The following ALK variants were observed in gnomAD, a reference collection of about 807,000 sequenced individuals.
The protein encoded by ALK is ALK tyrosine kinase receptor.
A neutral mutation model predicts 163.1 loss-of-function variants in ALK; 74 were observed. The observed-to-expected ratio is 0.45, with a 90% CI of 0.38 to 0.55. ALK has a LOEUF of 0.55. ALK is among the 20% of genes least tolerant of loss of function. The pLI, the probability that ALK is intolerant of heterozygous loss-of-function variation, is 0.00. For missense variants in ALK, 2,063 were observed against 2,105.3 expected, an observed-to-expected ratio of 0.98 and a Z score of 0.39; for synonymous variants, 960 against 843.2, an observed-to-expected ratio of 1.14 and a Z score of -2.40.
intron 6 of ALK, among the ~76,000 whole-genome samples, chr2:29,326,522 C>G (rs79758035): frequency 1.3e-5 from 2 of 151,974 alleles, no homozygotes; most frequent in Non-Finnish European, 2.9e-5. Context: ...CACACACAGG[C>G]CCCTGAACAG....
chr2:29,591,070 CAAAAAAAAAAA>C (rs35070273), intron 3 of ALK, among the ~76,000 whole-genome samples: 1 of 46,910 alleles, frequency 2.1e-5, no homozygotes, highest in Non-Finnish European at 3.6e-5. Flanking sequence ...GACTCCGTCT[CAAAAAAAAAAA>C]AAAAAAAAAA....
intron 5 of ALK, among the ~76,000 whole-genome samples, chr2:29,338,535 GC>G (rs1558681618): frequency 1.3e-5 from 2 of 152,318 alleles, no homozygotes; most frequent in South Asian, 4.1e-4. Flanking sequence ...TAATTTGGAT[GC>G]CACTTTCCCC....
chr2:29,320,999 C>T (rs2148251283), intron 6 of ALK, 117 bp from the exon 7 acceptor site: 1 of 1,293,210 alleles, frequency 7.7e-7, no homozygotes, highest in Non-Finnish European at 1.1e-6. Context: ...ATATAGCTCC[C>T]CAGCCAGAAT....
At chr2:29,708,791 C>T (rs886241042) in intron 2 of ALK, among the ~76,000 whole-genome samples, 7 of 152,144 alleles carry the variant, frequency 4.6e-5, no homozygotes, top group Admixed American at 4.6e-4. Context: ...AGATCACTAA[C>T]CTCTCTAGGC....
At chr2:29,692,875 T>A (rs575495341) in intron 3 of ALK, among the ~76,000 whole-genome samples, 1 of 152,364 alleles carries the variant, frequency 6.6e-6, no homozygotes, top group African/African-American at 2.4e-5. Flanking sequence ...AGATCAATTG[T>A]GATATTTTTA....
At chr2:29,818,068 C>G (rs1664946147) in intron 1 of ALK, among the ~76,000 whole-genome samples, 1 of 152,176 alleles carries the variant, frequency 6.6e-6, no homozygotes, top group African/African-American at 2.4e-5. Context: ...ACCCTCTTGG[C>G]TCGCCAAACT....
intron 4 of ALK, among the ~76,000 whole-genome samples, chr2:29,498,195 G>A (rs1031628729): frequency 1.3e-5 from 2 of 152,080 alleles, no homozygotes; most frequent in Admixed American, 1.3e-4. Context: ...TTTGACTGTG[G>A]GTGATATGAT....
At chr2:29,544,625 C>T (rs1371381764) in intron 3 of ALK, among the ~76,000 whole-genome samples, 1 of 151,984 alleles carries the variant, frequency 6.6e-6, no homozygotes. Flanking sequence ...ATATAAATAT[C>T]TATGTGTATG....
chr2:29,831,263 G>GAAGAAGAAGAAT (rs1558509085), intron 1 of ALK, among the ~76,000 whole-genome samples: 5 of 75,770 alleles, frequency 6.6e-5, no homozygotes, highest in African/African-American at 2.6e-4. Flanking sequence ...GGAAGAGGAA[G>GAAGAAGAAGAAT]AAGAAGAAGA....
At chr2:29,869,611 A>G (rs1666525993) in intron 1 of ALK, among the ~76,000 whole-genome samples, 1 of 152,206 alleles carries the variant, frequency 6.6e-6, no homozygotes. Context: ...CTATAAATCA[A>G]AAAACTTTAT....
intron 6 of ALK, among the ~76,000 whole-genome samples, chr2:29,328,035 G>A (rs1667325163): frequency 6.6e-6 from 1 of 152,162 alleles, no homozygotes; most frequent in African/African-American, 2.4e-5. Context: ...GGAAGTCTGG[G>A]CATAGAGGAC....
At chr2:29,366,328 G>T (rs1668506828) in intron 5 of ALK, among the ~76,000 whole-genome samples, 1 of 152,148 alleles carries the variant, frequency 6.6e-6, no homozygotes, top group East Asian at 1.9e-4. Context: ...TACCAGAAAG[G>T]TTGAGGGAGC....
intron 4 of ALK, among the ~76,000 whole-genome samples, chr2:29,427,557 G>A (rs572632779): frequency 3.3e-5 from 5 of 151,262 alleles, no homozygotes; most frequent in East Asian, 3.9e-4. Flanking sequence ...ATAGAATGTC[G>A]AGAAAAAAAT....
Position 29,228,967 on chromosome 2 carries a change from T to C in ALK, c.2732A>G (p.Lys911Arg), listed in dbSNP as rs1664101463. 3.3e-6 allele frequency: 4 copies of C among 1,210,318 alleles called. No homozygotes were observed. The African/African-American group carries it at 5.1e-5, about 15-fold the overall frequency. 75.0% of individuals were successfully genotyped at this position (1,210,318 alleles called of 1,614,324 possible). Residue 911 changes from lysine to arginine, a missense_variant, in exon 16 of 29, where the codon AAG becomes AGG. Around this residue, in one of 5 missense-constraint regions of ALK, gnomAD observed 575 missense variants for 626.6 expected, o/e 0.92. Transcript: ENST00000389048. Reference sequence around the variant, plus strand: ...CCCTCTTGTCTCCCACCCCCACTTCTTCATGGCCTGGGGGCAGGAATGTCC... The same window carrying C: ...CCCTCTTGTCTCCCACCCCCACTTCCTCATGGCCTGGGGGCAGGAATGTCC... ...TGGHSCPQAM[K>R]KWGWETRGGF... is the part of the protein sequence containing the mutation.
At chr2:29,488,590 A>C (rs1044740622) in intron 4 of ALK, among the ~76,000 whole-genome samples, 2 of 152,198 alleles carry the variant, frequency 1.3e-5, no homozygotes, top group Non-Finnish European at 2.9e-5. Context: ...AAGTTGGTTG[A>C]AAAAAATCAA....
Position 29,808,810 on chromosome 2 carries a change from C to T in ALK, c.668-91113G>A, listed in dbSNP as rs77249625. Among the ~76,000 whole-genome samples, 113 of 152,340 alleles carry T rather than the reference C, an allele frequency of 7.4e-4. 1 individual carries two copies. The highest frequency in any genetic ancestry group is 2.2e-3 in the Admixed American group (34 of 15,312). On this transcript the variant is annotated intron_variant, in intron 1 of 28. Coordinates refer to ENST00000389048, the MANE Select transcript of ALK (RefSeq NM_004304.5). ...GCCTGCCATGCATCACATCCATACA[C>T]AATTGCATCTTGATGGATGCGGCAA...
chr2:29,868,817 T>G (rs1361242328), intron 1 of ALK, among the ~76,000 whole-genome samples: 2 of 151,470 alleles, frequency 1.3e-5, no homozygotes, highest in East Asian at 3.9e-4. Flanking sequence ...TGGACAGACT[T>G]GTGACCGTGG....
At chr2:29,609,057 G>A (rs189735607) in intron 3 of ALK, among the ~76,000 whole-genome samples, 3 of 152,280 alleles carry the variant, frequency 2.0e-5, no homozygotes, top group South Asian at 4.1e-4. Flanking sequence ...TCAAGTAGCT[G>A]AGATGACAGG....
intron 5 of ALK, among the ~76,000 whole-genome samples, chr2:29,344,152 G>A (rs1667880698): frequency 6.6e-6 from 1 of 152,204 alleles, no homozygotes; most frequent in South Asian, 2.1e-4. Context: ...AGGCCATCCT[G>A]TATACTAGGA....
Sources: gnomAD v4.1 joint callset for allele counts (sites outside exome capture counted in the v4.1 genomes callset) on GRCh38, gnomAD v4.1.1 for gene constraint, gnomAD v4.1.1 regional missense constraint, MANE v1.5 for transcripts, NCBI Gene and HGNC (gene_info 2026-07-23, HGNC 2026-07-21) for gene names.